The following DIAPH2 variants were observed in gnomAD, a reference collection of about 807,000 sequenced individuals.
DIAPH2 encodes protein diaphanous homolog 2.
A neutral mutation model predicts 92.7 loss-of-function variants in DIAPH2; 35 were observed. That is an observed-to-expected ratio of 0.38 (90% confidence interval 0.29 to 0.50). DIAPH2 has a LOEUF of 0.50. Among genes scored for constraint, DIAPH2 ranks in the 20% least tolerant of loss-of-function variants. The pLI is 0.94. For missense variants in DIAPH2, 701 were observed against 819.5 expected (o/e 0.86, Z 1.77); for synonymous variants, 301 against 280.4 (o/e 1.07, Z -0.73).
chrX:97,070,417 G>A (rs1272410919), intron 17 of DIAPH2, among the ~76,000 whole-genome samples: 4 of 111,649 alleles, frequency 3.6e-5, no homozygotes, highest in Non-Finnish European at 7.5e-5. Context: ...AAGTATCCTA[G>A]GATAAGTGAC....
intron 19 of DIAPH2, among the ~76,000 whole-genome samples, chrX:97,087,452 T>C (rs1336024848): frequency 1.8e-5 from 2 of 111,784 alleles, no homozygotes; most frequent in Admixed American, 1.9e-4. Flanking sequence ...ACATTGTCTC[T>C]TTGGAGTTTC....
chrX:97,430,300 G>C (rs769636623), intron 26 of DIAPH2, among the ~76,000 whole-genome samples: 1 of 112,088 alleles, frequency 8.9e-6, no homozygotes, highest in Non-Finnish European at 1.9e-5. Context: ...TATGAAAATA[G>C]ATCTCAGGGG....
intron 5 of DIAPH2, among the ~76,000 whole-genome samples, chrX:96,903,497 A>C (rs1302154483): frequency 8.9e-6 from 1 of 112,081 alleles, no homozygotes. Context: ...TTTTATTATA[A>C]GTTTGACTGG....
chrX:97,542,559 G>A (rs754441452), intron 26 of DIAPH2, among the ~76,000 whole-genome samples: 199 of 112,209 alleles, frequency 1.8e-3, no homozygotes, highest in African/African-American at 6.0e-3. Flanking sequence ...GCTCAGAAAA[G>A]GTAATTCACT....
chrX:97,409,977 G>C (rs191065572), intron 25 of DIAPH2, among the ~76,000 whole-genome samples: 145 of 112,802 alleles, frequency 1.3e-3, no homozygotes, highest in African/African-American at 4.3e-3. Context: ...AGAAACTTCT[G>C]CAGACTTAAA....
chrX:96,860,480 C>T (rs1366513422), intron 4 of DIAPH2, among the ~76,000 whole-genome samples: 5 of 111,919 alleles, frequency 4.5e-5, no homozygotes, highest in Non-Finnish European at 9.4e-5. Flanking sequence ...TGCCTAATAC[C>T]ATGAAATTTG....
intron 22 of DIAPH2, among the ~76,000 whole-genome samples, chrX:97,244,956 G>T (rs139538936): frequency 0.011 from 1,191 of 110,692 alleles, 14 homozygotes; most frequent in African/African-American, 0.037. Flanking sequence ...GGGCGTGGTG[G>T]CACATGCCTG....
intron 17 of DIAPH2, among the ~76,000 whole-genome samples, chrX:97,055,776 T>C (rs1039861851): frequency 8.0e-5 from 9 of 111,847 alleles, no homozygotes; most frequent in African/African-American, 2.6e-4. Flanking sequence ...TAGGATTGTT[T>C]ATCAGAGAAG....
rs779467657 is a variant in DIAPH2 at position 97,585,599 on chromosome X, T to C, written c.3242-13654T>C. On this transcript the variant is annotated intron_variant, in intron 26 of 26. Coordinates refer to ENST00000324765, the MANE Select transcript of DIAPH2 (RefSeq NM_006729.5). ...TTCCTAAGTAAAAAAAAAAAAAAAC[T>C]ATTGAGGGTGATGGTTTCAGCTAGA... 2.1e-3 allele frequency among the ~76,000 whole-genome samples: 225 copies of C among 105,911 alleles called. 1 individual carries two copies. The highest frequency in any genetic ancestry group is 3.9e-3 in the Non-Finnish European group (202 of 51,417). 92.0% of individuals were successfully genotyped at this position (105,911 alleles called of 115,157 possible).
At chrX:97,521,208 A>T (rs2070988413) in intron 26 of DIAPH2, among the ~76,000 whole-genome samples, 1 of 111,951 alleles carries the variant, frequency 8.9e-6, no homozygotes, top group Admixed American at 9.5e-5. Flanking sequence ...GCACCATGAT[A>T]TTATTAGACG....
chrX:96,964,677 G>A (rs1264689273), intron 16 of DIAPH2, among the ~76,000 whole-genome samples: 1 of 111,452 alleles, frequency 9.0e-6, no homozygotes. Context: ...CTGACACAAC[G>A]TAGGAGGCGT....
At chrX:96,803,667 A>C (rs1043105699) in intron 4 of DIAPH2, among the ~76,000 whole-genome samples, 1 of 112,307 alleles carries the variant, frequency 8.9e-6, no homozygotes, top group Non-Finnish European at 1.9e-5. Context: ...TTAGAACTCA[A>C]ATCCAAAGTC....
intron 26 of DIAPH2, among the ~76,000 whole-genome samples, chrX:97,509,344 G>A (rs1402128947): frequency 9.2e-6 from 1 of 108,872 alleles, no homozygotes; most frequent in African/African-American, 3.3e-5. Context: ...ACTGTGCCCA[G>A]CCCAAATTTA....
intron 25 of DIAPH2, among the ~76,000 whole-genome samples, chrX:97,393,047 G>A (rs1270085554): frequency 9.0e-6 from 1 of 110,917 alleles, no homozygotes; most frequent in Non-Finnish European, 1.9e-5. Flanking sequence ...AGGTAGGAGA[G>A]CTAAGGTCAT....
intron 5 of DIAPH2, among the ~76,000 whole-genome samples, chrX:96,910,317 A>AT (rs1038511407): frequency 4.5e-5 from 5 of 110,719 alleles, no homozygotes; most frequent in African/African-American, 6.6e-5. Context: ...TGCCATATTG[A>AT]TTTTTTTTCT....
At chrX:96,685,608 T>G (rs2063766975) in intron 1 of DIAPH2, among the ~76,000 whole-genome samples, 2 of 112,376 alleles carry the variant, frequency 1.8e-5, no homozygotes, top group African/African-American at 6.5e-5. Context: ...CTCCTTTTTA[T>G]TCCAAGTCCT....
chrX:97,216,382 G>T (rs2067883767), intron 22 of DIAPH2, among the ~76,000 whole-genome samples: 1 of 110,873 alleles, frequency 9.0e-6, no homozygotes. Context: ...ACAGCTCACT[G>T]TAGCCTCAAC....
At chrX:97,196,083 AATG>A (rs1220477280) in intron 22 of DIAPH2, among the ~76,000 whole-genome samples, 2 of 111,786 alleles carry the variant, frequency 1.8e-5, no homozygotes, top group African/African-American at 3.2e-5. Context: ...AGAATATGAC[AATG>A]ATATCTTCAG....
At chrX:97,053,553 G>A (rs1479063799) in intron 17 of DIAPH2, among the ~76,000 whole-genome samples, 3 of 110,838 alleles carry the variant, frequency 2.7e-5, no homozygotes, top group Non-Finnish European at 5.7e-5. Context: ...CTTTTCTGAT[G>A]TAACTTAGTT....
Sources: gnomAD v4.1 joint callset for allele counts (sites outside exome capture counted in the v4.1 genomes callset) on GRCh38, gnomAD v4.1.1 for gene constraint, MANE v1.5 for transcripts, NCBI Gene and HGNC (gene_info 2026-07-23, HGNC 2026-07-21) for gene names.